USP36: variants seen among roughly 807,000 people sequenced by gnomAD.
USP36 encodes ubiquitin specific peptidase 36.
Under a neutral mutation model 111.5 loss-of-function variants are expected in USP36, and 59 were observed. That is an observed-to-expected ratio of 0.53 (90% confidence interval 0.43 to 0.66). The LOEUF is 0.66. Ranked by LOEUF, USP36 falls within the 30% of genes least tolerant of loss-of-function variation. The pLI, the probability that USP36 is intolerant of heterozygous loss-of-function variation, is 0.00. For missense variants in USP36, 1,488 were observed against 1,468.0 expected (o/e 1.01, Z -0.22); for synonymous variants, 628 against 581.0 (o/e 1.08, Z -1.16).
chr17:78,817,234 A>T (rs1205785076), intron 10 of USP36, among the ~76,000 whole-genome samples: 2 of 152,204 alleles, frequency 1.3e-5, no homozygotes, highest in African/African-American at 4.8e-5. Context: ...AATGCACTCT[A>T]TGATGTTCAC....
chr17:78,810,467 T>G (rs1280937205), intron 13 of USP36, among the ~76,000 whole-genome samples: 2 of 152,144 alleles, frequency 1.3e-5, no homozygotes, highest in African/African-American at 4.8e-5. Context: ...TTTGCATTTT[T>G]AGTAGAGACA....
chr17:78,801,632 C>T (rs1268752846), intron 17 of USP36, among the ~76,000 whole-genome samples: 1 of 152,178 alleles, frequency 6.6e-6, no homozygotes, highest in Admixed American at 6.5e-5. Context: ...TGCCCAAGGA[C>T]AGCCACAGCA....
intron 1 of USP36, among the ~76,000 whole-genome samples, chr17:78,839,053 A>G (rs1183209909): frequency 1.3e-5 from 2 of 152,180 alleles, no homozygotes; most frequent in Non-Finnish European, 2.9e-5. Context: ...GAGGTAATAA[A>G]TCCCCAAGTT....
rs944510012 is a variant in USP36, at chr17:78,820,663, CCA to C, written c.828+326_828+327del. On this transcript the variant is annotated intron_variant, in intron 8 of 20. Coordinates refer to ENST00000449938, the MANE Select transcript of USP36 (RefSeq NM_001385174.1). ...CCAAGGCTGCTCTCCCAGGTGAGGC[CCA>C]CAGAGCCACCAAGCTCCAAAGGCTG... is the stretch of plus-strand genomic sequence containing the variant. Among the ~76,000 whole-genome samples, 117 of 152,302 alleles carry C rather than the reference CCA, an allele frequency of 7.7e-4. 1 individual carries two copies. The highest frequency in any genetic ancestry group is 2.8e-3 in the African/African-American group (115 of 41,558).
chr17:78,825,784 A>G (rs1301864392), intron 6 of USP36, among the ~76,000 whole-genome samples: 2 of 152,144 alleles, frequency 1.3e-5, no homozygotes, highest in Non-Finnish European at 2.9e-5. Context: ...GCCCCCTGCT[A>G]TAGGCTCGCT....
rs554272690 is a variant in USP36, at chr17:78,800,275, C to CT, written c.3023-508dup. Reference sequence around the variant, plus strand: ...CCATGCCCCAGGACCAGCCTGACACCTGGATGGCCACAGGGGTGGAGGGAA... The same window carrying CT: ...CCATGCCCCAGGACCAGCCTGACACCTTGGATGGCCACAGGGGTGGAGGGAA... On this transcript the variant is annotated intron_variant, in intron 17 of 20. Transcript: ENST00000449938. Among the ~76,000 whole-genome samples, 37 of 152,318 alleles carry CT rather than the reference C, an allele frequency of 2.4e-4. No individual in the cohort carries two copies. The East Asian group carries it at 5.6e-3, about 23-fold the overall frequency.
Position 78,823,362 on chromosome 17 carries a change from C to T in USP36, c.690-1358G>A, listed in dbSNP as rs1274538385. ...CAGACCACCCCCACAACCCCTCTGT[C>T]ATCCAGAAGCCCGCAAGCACCAGCG... On this transcript the variant is annotated intron_variant, in intron 6 of 20. Coordinates refer to ENST00000449938, the MANE Select transcript of USP36 (RefSeq NM_001385174.1). Among the ~76,000 whole-genome samples, 4 of 152,198 alleles carry T rather than the reference C, an allele frequency of 2.6e-5. No homozygotes were observed. In the East Asian group the frequency reaches 5.8e-4, roughly 22 times the overall value.
exon 4 of USP36, chr17:78,787,550 C>T (rs990410217): frequency 6.6e-6 from 1 of 152,170 alleles, no homozygotes; most frequent in Non-Finnish European, 1.5e-5. Flanking sequence ...AACAAATCTC[C>T]GTTAGGGGCA....
chr17:78,828,733 A>G (rs1206773789), intron 5 of USP36, among the ~76,000 whole-genome samples, 164 bp downstream of exon 5: 1 of 152,254 alleles, frequency 6.6e-6, no homozygotes, highest in African/African-American at 2.4e-5. Context: ...AGAATGGCAC[A>G]GTGGCTCGTG....
chr17:78,820,338 G>C (rs182774122), intron 8 of USP36, among the ~76,000 whole-genome samples: 2 of 152,152 alleles, frequency 1.3e-5, no homozygotes, highest in Admixed American at 6.5e-5. Context: ...TTAGCCAGGC[G>C]TGGTGGTGCA....
In USP36 at chr17:78,802,553, G is replaced by A; in HGVS notation, c.2811-18C>T. The A allele has an allele frequency of 6.3e-7, 1 of 1,595,526 alleles. No homozygotes were observed. Among genetic ancestry groups the A allele is most frequent in the Non-Finnish European group, 8.5e-7 (1 of 1,176,300 alleles). On this transcript the variant is annotated intron_variant, in intron 16 of 20. Transcript: ENST00000449938. Reference sequence around the variant, plus strand: ...GAGAGCAGCTGCTTGGAAGTGAGAGGCAGCAGTCAGCTCTGAGCAAATTGG... The same window carrying A: ...GAGAGCAGCTGCTTGGAAGTGAGAGACAGCAGTCAGCTCTGAGCAAATTGG...
At chr17:78,809,940 G>A (rs755294264) in intron 13 of USP36, among the ~76,000 whole-genome samples, 15 of 152,018 alleles carry the variant, frequency 9.9e-5, no homozygotes, top group African/African-American at 2.4e-4. Flanking sequence ...TCCACCTCCC[G>A]GGTTCAAGCG....
At chr17:78,817,952 G>C (rs2094226534) in intron 10 of USP36, among the ~76,000 whole-genome samples, 1 of 152,014 alleles carries the variant, frequency 6.6e-6, no homozygotes, top group East Asian at 1.9e-4. Context: ...AGGCATGGTG[G>C]CATGTGCCCA....
intron 17 of USP36, among the ~76,000 whole-genome samples, chr17:78,800,773 G>A (rs1392777543): frequency 1.3e-5 from 2 of 152,166 alleles, no homozygotes; most frequent in Admixed American, 6.5e-5. Flanking sequence ...TGCTGAGCAT[G>A]AGCCCTTACT....
At chr17:78,831,236 AAAAAAAAAAAAAAAAAAG>A (rs1567967406) in intron 4 of USP36, among the ~76,000 whole-genome samples, 1 of 147,266 alleles carries the variant, frequency 6.8e-6, no homozygotes, top group Non-Finnish European at 1.5e-5. Context: ...AAAAAAAAAA[AAAAAAAAAAAAAAAAAAG>A]GGACAACATA....
intron 6 of USP36, chr17:78,823,011 T>C (rs1599063527): frequency 5.0e-6 from 2 of 397,620 alleles, no homozygotes; most frequent in South Asian, 1.3e-4. Context: ...TCTCTCCACG[T>C]TTCCCACGGC....
chr17:78,818,517 C>CCTAA, intron 10 of USP36, 150 bp downstream of exon 10: 2 of 655,810 alleles, frequency 3.0e-6, no homozygotes, highest in South Asian at 4.1e-5. Context: ...AACTACAGTC[C>CCTAA]CTACTTCACA....
In USP36 at chr17:78,814,267, G is replaced by A. The variant is rs1055562731; in HGVS notation, c.1164+145C>T. 6 of 1,125,602 alleles carry A rather than the reference G, an allele frequency of 5.3e-6. No homozygotes were observed. The African/African-American group carries it at 6.3e-5, about 12-fold the overall frequency. 69.7% of individuals were successfully genotyped at this position (1,125,602 alleles called of 1,614,324 possible). A position where few individuals can be genotyped will look rare whatever the true frequency, so the allele number is the denominator to read the frequency against. ...TGTAAAGGGCATCTTTTCACTCCACGCAGAGAGGCAACAACGAGGACTTGA... is the reference window on the plus strand; with the variant it reads ...TGTAAAGGGCATCTTTTCACTCCACACAGAGAGGCAACAACGAGGACTTGA... On this transcript the variant is annotated intron_variant, in intron 11 of 20. Coordinates refer to ENST00000449938, the MANE Select transcript of USP36 (RefSeq NM_001385174.1).
chr17:78,840,639 C>T, intron 1 of USP36, 97 bp downstream of exon 1: 1 of 152,766 alleles, frequency 6.5e-6, no homozygotes, highest in Non-Finnish European at 1.5e-5. Flanking sequence ...GTCCCGGCTG[C>T]GCCCGCCAGC....
Sources: allele counts gnomAD v4.1 joint callset (sites outside exome capture counted in the v4.1 genomes callset), GRCh38; gene constraint gnomAD v4.1.1; transcripts MANE v1.5; gene names NCBI Gene and HGNC (gene_info 2026-07-23, HGNC 2026-07-21).